ESR1: variants seen among roughly 807,000 people sequenced by gnomAD.
The protein encoded by ESR1 is estrogen receptor 1, also known as estrogen receptor.
A neutral mutation model predicts 52.7 loss-of-function variants in ESR1; 12 were observed. That is an observed-to-expected ratio of 0.23 (90% CI 0.15 to 0.37). The LOEUF is 0.37. ESR1 is among the 10% of genes least tolerant of loss of function. The pLI is 1.00. For synonymous variants in ESR1, 305 were observed against 316.8 expected, an observed-to-expected ratio of 0.96 and a Z score of 0.39; for missense variants, 584 against 779.7, an observed-to-expected ratio of 0.75 and a Z score of 2.99.
rs746521050 is a variant in ESR1 at position 151,808,181 on chromosome 6, G to A, written c.269G>A (p.Gly90Asp). Residue 90 changes from glycine to aspartate, a missense_variant, in exon 1 of 8, where the codon GGC becomes GAC. By Grantham distance (94) the Gly-to-Asp change is moderately conservative. This residue lies in a region of ESR1 where 251 missense variants were observed against 246.1 expected (regional missense o/e 1.02). Coordinates refer to ENST00000206249, the MANE Select transcript of ESR1 (RefSeq NM_000125.4). Reference protein sequence around the residue: ...YGPGSEAAAFGSNGLGGFPPL... With the variant: ...YGPGSEAAAFDSNGLGGFPPL... ...CCCGGGTCTGAGGCTGCGGCGTTCG[G>A]CTCCAACGGCCTGGGGGGTTTCCCC... is the stretch of plus-strand genomic sequence containing the variant. 7.6e-6 allele frequency: 12 copies of A among 1,580,784 alleles called. No homozygotes were observed. The highest frequency in any genetic ancestry group is 9.5e-6 in the Non-Finnish European group (11 of 1,163,492).
intron 4 of ESR1, among the ~76,000 whole-genome samples, chr6:151,988,677 GACACA>G (rs1297929870): frequency 1.3e-5 from 2 of 152,010 alleles, no homozygotes; most frequent in Non-Finnish European, 2.9e-5. Flanking sequence ...AAACCCCCAT[GACACA>G]AGTTTACCTA....
At chr6:151,709,482 G>A (rs980154824) in intron 2 of ESR1, among the ~76,000 whole-genome samples, 7 of 152,000 alleles carry the variant, frequency 4.6e-5, no homozygotes, top group African/African-American at 1.7e-4. Flanking sequence ...GAATACATTC[G>A]CTTTGGGCAT....
intron 4 of ESR1, among the ~76,000 whole-genome samples, chr6:151,984,731 T>A (rs1252872415): frequency 6.6e-6 from 1 of 152,178 alleles, no homozygotes; most frequent in Non-Finnish European, 1.5e-5. Flanking sequence ...GATTCTGCTT[T>A]TATGACCCTT....
At position 152,097,324 on chromosome 6, in the gene ESR1, T is replaced by C. The variant is rs149127292; in HGVS notation, c.1554-1408T>C. 2.8e-3 allele frequency among the ~76,000 whole-genome samples: 419 copies of C among 152,184 alleles called. 3 individuals carry two copies. Among genetic ancestry groups the C allele is most frequent in the African/African-American group, 9.6e-3 (397 of 41,526 alleles). On this transcript the variant is annotated intron_variant, in intron 7 of 7. Coordinates refer to ENST00000206249, the MANE Select transcript of ESR1 (RefSeq NM_000125.4). ...TTTAATATCAGATTTCATCTGACTG[T>C]AAACGTGAATCATCAGGTTGCACAA...
intron 1 of ESR1, chr6:151,814,259 A>G (rs1395477282): frequency 6.6e-6 from 1 of 152,218 alleles, no homozygotes; most frequent in African/African-American, 2.4e-5. Flanking sequence ...AGAAATAGTC[A>G]TCTTCACATT....
At chr6:151,679,755 G>A (rs1280010526) in intron 1 of ESR1, among the ~76,000 whole-genome samples, 1 of 152,186 alleles carries the variant, frequency 6.6e-6, no homozygotes. Context: ...GACTGCACTA[G>A]TGTCCTTTTT....
rs180927953 is a variant in ESR1 at position 152,072,120 on chromosome 6, C to T, written c.1369+10996C>T. Among the ~76,000 whole-genome samples the T allele has an allele frequency of 2.7e-4, 41 of 152,346 alleles. 1 individual carries two copies. Among genetic ancestry groups the T allele is most frequent in the Admixed American group, 2.2e-3 (33 of 15,306 alleles). On this transcript the variant is annotated intron_variant, in intron 6 of 7. Transcript: ENST00000206249. The stretch of plus-strand genomic sequence containing the variant: ...ACTGCCCTCTCCTCTAAAAGAGCCA[C>T]AGTCAGGAATTTCTACATAGATCCT...
chr6:151,947,177 G>A (rs914449103), intron 4 of ESR1, among the ~76,000 whole-genome samples: 3 of 152,106 alleles, frequency 2.0e-5, no homozygotes, highest in African/African-American at 7.2e-5. Flanking sequence ...AAATTAGCCA[G>A]GCTTGGTGGC....
chr6:151,993,076 G>A (rs952875302), intron 4 of ESR1, among the ~76,000 whole-genome samples: 1 of 152,168 alleles, frequency 6.6e-6, no homozygotes, highest in Admixed American at 6.5e-5. Context: ...AGAGCAAAAG[G>A]ATCTTTTTCT....
intron 2 of ESR1, among the ~76,000 whole-genome samples, chr6:151,732,522 A>ATGTGTGTT (rs1554246429): frequency 1.5e-4 from 20 of 130,618 alleles, no homozygotes; most frequent in African/African-American, 4.6e-4. Context: ...ATGTTTGTGT[A>ATGTGTGTT]TGTGTGTGTG....
intron 1 of ESR1, among the ~76,000 whole-genome samples, chr6:151,683,633 T>C (rs889870671): frequency 2.0e-5 from 3 of 152,076 alleles, no homozygotes; most frequent in African/African-American, 4.8e-5. Context: ...GCCACTTATC[T>C]AAGAGTGTTA....
chr6:152,027,101 G>A (rs1036394076), intron 5 of ESR1, among the ~76,000 whole-genome samples: 1 of 151,730 alleles, frequency 6.6e-6, no homozygotes, highest in Non-Finnish European at 1.5e-5. Flanking sequence ...CAAGTACCTG[G>A]GATTACAGGC....
At chr6:151,770,834 C>T (rs1785453086) in intron 2 of ESR1, among the ~76,000 whole-genome samples, 2 of 151,856 alleles carry the variant, frequency 1.3e-5, no homozygotes, top group Non-Finnish European at 1.5e-5. Context: ...TAATCTATCA[C>T]ATTAGACCTG....
intron 1 of ESR1, among the ~76,000 whole-genome samples, chr6:151,835,161 T>C (rs552982696): frequency 6.6e-6 from 1 of 152,292 alleles, no homozygotes; most frequent in East Asian, 1.9e-4. Flanking sequence ...GGAATGCTTC[T>C]ACTAGATCAT....
At position 152,099,190 on chromosome 6, in the gene ESR1, C is replaced by T. The variant is rs994999523; in HGVS notation, c.*224C>T. 5.1e-6 allele frequency: 3 copies of T among 587,234 alleles called. No homozygotes were observed. The highest frequency in any genetic ancestry group is 1.8e-5 in the African/African-American group (1 of 54,186). 36.4% of individuals were successfully genotyped at this position (587,234 alleles called of 1,614,324 possible). The stretch of plus-strand genomic sequence containing the variant: ...GGATTCCAAGGCTAAATCTTTGTAA[C>T]AGCTCTCTTTCCCCCTTGCTATGTT... On this transcript the variant is annotated 3_prime_UTR_variant, in exon 8 of 8. Transcript: ENST00000206249.
chr6:151,909,863 C>T (rs1438993103), intron 3 of ESR1, among the ~76,000 whole-genome samples: 2 of 152,000 alleles, frequency 1.3e-5, no homozygotes, highest in South Asian at 2.1e-4. Flanking sequence ...TAAGCTTCAC[C>T]AGATCGCCAA....
chr6:151,931,450 A>G (rs917354034), intron 3 of ESR1, among the ~76,000 whole-genome samples: 3 of 151,702 alleles, frequency 2.0e-5, no homozygotes, highest in African/African-American at 7.3e-5. Flanking sequence ...TAGAGCCCTC[A>G]AACTCTTTTT....
rs749802941 is a variant in ESR1, at chr6:152,061,141, A to G, written c.1369+17A>G. The G allele has an allele frequency of 4.6e-5, 74 of 1,611,792 alleles. 1 individual carries two copies. In the Admixed American group the frequency reaches 5.2e-4, roughly 11 times the overall value. The stretch of plus-strand genomic sequence containing the variant: ...TTAATTCTGGTGAGTTGATAACACA[A>G]GATAACTCAATGCTGGATGAAATGT... On this transcript the variant is annotated intron_variant, in intron 6 of 7. Transcript: ENST00000206249. This position sits in a 1 kb window ranked among gnomAD's most constrained non-coding sequence, Gnocchi z 4.3.
intron 2 of ESR1, among the ~76,000 whole-genome samples, chr6:151,748,884 A>G (rs1029345813): frequency 2.0e-5 from 3 of 151,006 alleles, no homozygotes; most frequent in South Asian, 2.1e-4. Flanking sequence ...GCCTTAATAC[A>G]TAGTATATCC....
Sources: gnomAD v4.1 joint callset for allele counts (sites outside exome capture counted in the v4.1 genomes callset) on GRCh38, gnomAD v4.1.1 for gene constraint, gnomAD v4.1.1 regional missense constraint, Gnocchi (gnomAD v3.1) non-coding constraint, MANE v1.5 for transcripts, NCBI Gene and HGNC (gene_info 2026-07-23, HGNC 2026-07-21) for gene names.